SMARCAD1: variants seen among roughly 807,000 people sequenced by gnomAD.
The protein encoded by SMARCAD1 is SNF2 related chromatin remodeling ATPase with DExD box 1, also known as SWI/SNF-related matrix-associated actin-dependent regulator of chromatin subfamily A containing DEAD/H box 1.
SMARCAD1 carries 25 observed loss-of-function variants against 127.1 expected under a neutral mutation model. That is an observed-to-expected ratio of 0.20 (90% CI 0.14 to 0.27). The LOEUF (loss-of-function observed/expected upper bound fraction) is 0.27. SMARCAD1 is among the 10% of genes least tolerant of loss of function. The pLI is 1.00. For synonymous variants in SMARCAD1, 400 were observed against 396.9 expected, an observed-to-expected ratio of 1.01 and a Z score of -0.09; for missense variants, 807 against 1,206.0, an observed-to-expected ratio of 0.67 and a Z score of 4.90.
At chr4:94,256,842 A>C (rs1022141594) in intron 9 of SMARCAD1, among the ~76,000 whole-genome samples, 2 of 151,988 alleles carry the variant, frequency 1.3e-5, no homozygotes, top group Non-Finnish European at 2.9e-5. Context: ...GTATTAAAAA[A>C]ATCTGCAAGT....
At chr4:94,242,325 G>T (rs114243641) in intron 6 of SMARCAD1, among the ~76,000 whole-genome samples, 1 of 151,950 alleles carries the variant, frequency 6.6e-6, no homozygotes, top group Non-Finnish European at 1.5e-5. Flanking sequence ...GATTACAGGC[G>T]TGAGCCACCA....
intron 4 of SMARCAD1, among the ~76,000 whole-genome samples, chr4:94,234,979 C>T (rs942362596): frequency 1.9e-4 from 29 of 152,168 alleles, no homozygotes; most frequent in Admixed American, 1.4e-3. Context: ...TGTGAGCTGT[C>T]AGTGATAGCC....
intron 2 of SMARCAD1, among the ~76,000 whole-genome samples, chr4:94,219,833 T>G (rs1475041539): frequency 6.6e-6 from 1 of 152,190 alleles, no homozygotes; most frequent in East Asian, 1.9e-4. Context: ...TTCACTCCTA[T>G]TTCAAAAGGG....
rs150720338 is a variant in SMARCAD1 at position 94,279,182 on chromosome 4, C to T, written c.2418+132C>T. On this transcript the variant is annotated intron_variant, in intron 19 of 23. Coordinates refer to ENST00000354268, the MANE Select transcript of SMARCAD1 (RefSeq NM_020159.5). Reference sequence around the variant, plus strand: ...TAAGAAAAACTTTTTTTTTTCAGACCAGGTCTGGTTCTGTTGCCAAGGCAG... The same window carrying T: ...TAAGAAAAACTTTTTTTTTTCAGACTAGGTCTGGTTCTGTTGCCAAGGCAG... The T allele has an allele frequency of 4.8e-5, 57 of 1,177,174 alleles. No homozygotes were observed. In the African/African-American group the frequency reaches 8.3e-4, roughly 17 times the overall value. The allele number at this position is 1,177,174 out of a possible 1,614,324, so 72.9% of individuals were successfully genotyped here.
chr4:94,257,928 A>G (rs1303928530), intron 9 of SMARCAD1, among the ~76,000 whole-genome samples: 2 of 152,068 alleles, frequency 1.3e-5, no homozygotes, highest in Admixed American at 6.6e-5. Flanking sequence ...CTGTTAATAT[A>G]TGTTAATATG....
At chr4:94,278,762 G>A (rs1371767891) in intron 18 of SMARCAD1, 29 bp downstream of exon 18, 2 of 1,604,266 alleles carry the variant, frequency 1.2e-6, no homozygotes, top group Admixed American at 3.3e-5. Flanking sequence ...TCTTTTATGT[G>A]AAAAAGAATC....
intron 2 of SMARCAD1, among the ~76,000 whole-genome samples, chr4:94,211,165 G>A (rs1035216477): frequency 1.3e-4 from 19 of 151,912 alleles, no homozygotes; most frequent in African/African-American, 3.6e-4. Context: ...CCAGCTACTC[G>A]GGAGGCTGAA....
rs1323606931 is a variant in SMARCAD1, at chr4:94,290,861, C to T, written c.*1327C>T. ...TGGAAATCATGCTTTTCAAAGCATC[C>T]TAACTTGCTAAGATGCTAGGTAGTA... On this transcript the variant is annotated 3_prime_UTR_variant, in exon 24 of 24. Coordinates refer to ENST00000354268, the MANE Select transcript of SMARCAD1 (RefSeq NM_020159.5). 2.2e-5 allele frequency: 10 copies of T among 448,686 alleles called. No homozygotes were observed. The highest frequency in any genetic ancestry group is 3.6e-5 in the Non-Finnish European group (8 of 224,544). The allele number at this position is 448,686 out of a possible 1,614,324, so 27.8% of individuals were successfully genotyped here.
chr4:94,280,567 A>G, intron 19 of SMARCAD1, 25 bp from the exon 20 acceptor site: 3 of 1,539,416 alleles, frequency 1.9e-6, no homozygotes, highest in Non-Finnish European at 2.7e-6. Context: ...ATTTTGAAGT[A>G]TACTGTGTTT....
At chr4:94,284,352 AAG>A (rs1156925626) in intron 22 of SMARCAD1, among the ~76,000 whole-genome samples, 5 of 100,892 alleles carry the variant, frequency 5.0e-5, no homozygotes, top group Admixed American at 1.2e-4. Context: ...AAAAAAAAAA[AAG>A]AAAAAAGTAA....
chr4:94,289,697 C>A lies in SMARCAD1; in HGVS notation c.*163C>A, dbSNP rs1395842449. 2 of 731,778 alleles carry A rather than the reference C, an allele frequency of 2.7e-6. No individual in the cohort carries two copies. Among genetic ancestry groups the A allele is most frequent in the Non-Finnish European group, 5.0e-6 (2 of 398,876 alleles). 45.3% of individuals were successfully genotyped at this position (731,778 alleles called of 1,614,324 possible). On this transcript the variant is annotated 3_prime_UTR_variant, in exon 24 of 24. Coordinates refer to ENST00000354268, the MANE Select transcript of SMARCAD1 (RefSeq NM_020159.5). ...ACAACTTTTTGCCACTAACTGAATT[C>A]TCCAAATACTCACACGTGAAATTTC...
Position 94,208,387 on chromosome 4 carries a change from C to T in SMARCAD1, c.-8C>T. The T allele has an allele frequency of 6.2e-7, 1 of 1,613,954 alleles. No individual in the cohort carries two copies. The highest frequency in any genetic ancestry group is 8.5e-7 in the Non-Finnish European group (1 of 1,180,010). On this transcript the variant is annotated 5_prime_UTR_variant, in exon 2 of 24. Transcript: ENST00000354268. The stretch of plus-strand genomic sequence containing the variant: ...CCCCATCCCTGCAAGGTGGTGCTTT[C>T]TACCAATATGAATCTTTTCAACCTG...
Position 94,252,664 on chromosome 4 carries a change from C to T in SMARCAD1, c.938C>T (p.Ser313Phe), listed in dbSNP as rs1344142698. ...GAGGTTCCAAATGGAAAAGAAGTTT[C>T]TTCAAGAAGTCAAAATTACCCTAAA... ...QSEVPNGKEV[S>F]SRSQNYPKNA... is the part of the protein sequence containing the mutation. The change falls in exon 9 of 24, where the codon TCT (serine) becomes TTT (phenylalanine). Residue 313 changes from serine (S) to phenylalanine (F), a missense_variant. By Grantham distance (155) the Ser-to-Phe change is radical. Coordinates refer to ENST00000354268, the MANE Select transcript of SMARCAD1 (RefSeq NM_020159.5). 1.9e-6 allele frequency: 3 copies of T among 1,577,064 alleles called. No homozygotes were observed. The highest frequency in any genetic ancestry group is 2.6e-6 in the Non-Finnish European group (3 of 1,165,116).
chr4:94,247,913 T>C (rs1489253530), intron 6 of SMARCAD1, among the ~76,000 whole-genome samples: 1 of 152,218 alleles, frequency 6.6e-6, no homozygotes. Flanking sequence ...TGCGTGATGC[T>C]GAAGTTTGAA....
At chr4:94,230,410 A>G (rs974973358) in intron 3 of SMARCAD1, among the ~76,000 whole-genome samples, 3 of 151,796 alleles carry the variant, frequency 2.0e-5, no homozygotes, top group African/African-American at 7.3e-5. Flanking sequence ...AATTTTTATT[A>G]TTTTTTGCAA....
At chr4:94,221,038 G>C (rs924125492) in intron 2 of SMARCAD1, among the ~76,000 whole-genome samples, 4 of 152,140 alleles carry the variant, frequency 2.6e-5, no homozygotes, top group African/African-American at 9.7e-5. Context: ...GAATTTGGCA[G>C]ATGTTTTCTC....
intron 12 of SMARCAD1, 29 bp from the exon 13 acceptor site, chr4:94,274,709 A>T: frequency 6.3e-7 from 1 of 1,598,048 alleles, no homozygotes; most frequent in Non-Finnish European, 8.6e-7. Context: ...ATTGTAGCAG[A>T]TGCAAATAAT....
chr4:94,228,942 T>C (rs1305825385), intron 3 of SMARCAD1, among the ~76,000 whole-genome samples: 3 of 152,152 alleles, frequency 2.0e-5, no homozygotes, highest in Non-Finnish European at 4.4e-5. Context: ...AACTAATGTT[T>C]CTTCATGGTT....
intron 2 of SMARCAD1, among the ~76,000 whole-genome samples, chr4:94,214,366 ATTC>A (rs1253309338): frequency 6.8e-6 from 1 of 148,102 alleles, no homozygotes; most frequent in Non-Finnish European, 1.5e-5. Flanking sequence ...GGTTCATGCC[ATTC>A]TTCTGCTTCA....
Sources: allele counts gnomAD v4.1 joint callset (sites outside exome capture counted in the v4.1 genomes callset), GRCh38; gene constraint gnomAD v4.1.1; transcripts MANE v1.5; gene names NCBI Gene and HGNC (gene_info 2026-07-23, HGNC 2026-07-21).